The following SEC63 variants were observed in gnomAD, a reference collection of about 807,000 sequenced individuals.
The protein encoded by SEC63 is translocation protein SEC63 homolog.
A neutral mutation model predicts 116.2 loss-of-function variants in SEC63; 56 were observed. The ratio of observed to expected loss-of-function variants is 0.48; its 90% CI spans 0.39 to 0.60. The LOEUF (loss-of-function observed/expected upper bound fraction) is 0.60. Among genes scored for constraint, SEC63 ranks in the 20% least tolerant of loss-of-function variants. SEC63 has a pLI of 0.00. For missense variants in SEC63, 668 were observed against 900.0 expected, an observed-to-expected ratio of 0.74 and a Z score of 3.30; for synonymous variants, 273 against 294.6, an observed-to-expected ratio of 0.93 and a Z score of 0.75.
At chr6:107,919,413 CT>C (rs1787494372) in intron 4 of SEC63, among the ~76,000 whole-genome samples, 1 of 152,170 alleles carries the variant, frequency 6.6e-6, no homozygotes, top group South Asian at 2.1e-4. Context: ...AAGATGGTAT[CT>C]ATTCCTGATG....
intron 4 of SEC63, among the ~76,000 whole-genome samples, chr6:107,916,964 A>G (rs2099504538): frequency 6.6e-6 from 1 of 152,218 alleles, no homozygotes; most frequent in South Asian, 2.1e-4. Context: ...CTGGCCATAA[A>G]CTGGCCCCAA....
intron 1 of SEC63, among the ~76,000 whole-genome samples, chr6:107,955,115 A>G (rs191492374): frequency 3.3e-5 from 5 of 152,334 alleles, no homozygotes; most frequent in Non-Finnish European, 5.9e-5. Flanking sequence ...TTCTAATCCC[A>G]GTTCAACCAT....
At chr6:107,947,507 G>T (rs911535395) in intron 1 of SEC63, among the ~76,000 whole-genome samples, 5 of 151,628 alleles carry the variant, frequency 3.3e-5, no homozygotes, top group African/African-American at 1.2e-4. Context: ...AGGAGATTGA[G>T]GTTGCAGTGG....
intron 7 of SEC63, among the ~76,000 whole-genome samples, chr6:107,910,685 T>C (rs1787261111): frequency 6.6e-6 from 1 of 152,032 alleles, no homozygotes; most frequent in Non-Finnish European, 1.5e-5. Flanking sequence ...TGTACACATA[T>C]ACATATGTCA....
chr6:107,872,616 G>C (rs972699682), intron 20 of SEC63, among the ~76,000 whole-genome samples, 192 bp downstream of exon 20: 4 of 152,000 alleles, frequency 2.6e-5, no homozygotes, highest in South Asian at 4.1e-4. Context: ...GTTCTAAACT[G>C]TTACACTCCT....
intron 1 of SEC63, among the ~76,000 whole-genome samples, chr6:107,946,919 A>G (rs956718636): frequency 2.6e-5 from 4 of 152,112 alleles, no homozygotes; most frequent in Non-Finnish European, 5.9e-5. Context: ...CAGGAGAATC[A>G]CTTGAACCCA....
chr6:107,893,590 T>C lies in SEC63; in HGVS notation c.1566A>G (p.Lys522=). ...GTTTCTTTTTTTTTGATTTAGCAGT[T>C]TTCTTGGGTCCTTTACTCTTCTGTT... is the stretch of plus-strand genomic sequence containing the variant. ...GWQQKSKGPK[K]TAKSKKKKPL... The change falls in exon 16 of 21, where the codon AAA becomes AAG. Residue 522 remains lysine, a synonymous_variant. Coordinates refer to ENST00000369002, the MANE Select transcript of SEC63 (RefSeq NM_007214.5). 2 of 1,601,968 alleles carry C rather than the reference T, an allele frequency of 1.2e-6. No homozygotes were observed.
intron 7 of SEC63, among the ~76,000 whole-genome samples, chr6:107,909,358 C>T (rs1257897407): frequency 1.4e-5 from 2 of 142,846 alleles, no homozygotes; most frequent in East Asian, 4.1e-4. Context: ...TCCTAGGTGA[C>T]AGAGGGAGAC....
rs1415717030 is a variant in SEC63, at chr6:107,904,625, T to C, written c.1054+4A>G. ...TAACATAATTAACTATATTTCCTCC[T>C]CACCTTCACGGTTCCGGGCCATTAC... On this transcript the variant is annotated splice_donor_region_variant and intron_variant, in intron 11 of 20. Transcript: ENST00000369002. The C allele has an allele frequency of 1.3e-6, 2 of 1,597,200 alleles. No individual in the cohort carries two copies. Among genetic ancestry groups the C allele is most frequent in the South Asian group, 1.1e-5 (1 of 90,768 alleles).
rs1212876830 is a variant in SEC63, at chr6:107,911,387, C to T, written c.583G>A (p.Val195Ile). Residue 195 changes from valine (V) to isoleucine (I), a missense_variant, in exon 7 of 21, where the codon GTA (valine) becomes ATA (isoleucine). Physicochemically the swap from Val to Ile is conservative, Grantham distance 29. This residue lies in a region of SEC63 where 430 missense variants were observed against 557.5 expected (regional missense o/e 0.77). Coordinates refer to ENST00000369002, the MANE Select transcript of SEC63 (RefSeq NM_007214.5). ...DQKNSILVLLVYGLAFMVILP... is the reference protein window; with the variant it reads ...DQKNSILVLLIYGLAFMVILP... The stretch of plus-strand genomic sequence containing the variant: ...ATAACCATAAATGCCAATCCATATA[C>T]AAGTAAAACCTAAAATTGAAGAGAA... 6 of 1,603,516 alleles carry T rather than the reference C, an allele frequency of 3.7e-6. No homozygotes were observed. Among genetic ancestry groups the T allele is most frequent in the South Asian group, 1.1e-5 (1 of 90,888 alleles).
chr6:107,942,407 C>T (rs1204570862), intron 1 of SEC63, among the ~76,000 whole-genome samples: 1 of 152,150 alleles, frequency 6.6e-6, no homozygotes, highest in Non-Finnish European at 1.5e-5. Context: ...CTTTCCAGTT[C>T]CCTGGAATAG....
chr6:107,877,107 ATATG>A (rs1364781509), intron 18 of SEC63: 1 of 157,806 alleles, frequency 6.3e-6, no homozygotes, highest in Non-Finnish European at 1.4e-5. Context: ...ACATATACAT[ATATG>A]TGTGTGTGTA....
At chr6:107,894,971 A>G (rs1786779625) in intron 14 of SEC63, among the ~76,000 whole-genome samples, 1 of 152,188 alleles carries the variant, frequency 6.6e-6, no homozygotes, top group African/African-American at 2.4e-5. Flanking sequence ...CAAACACTGT[A>G]TGACTTATAA....
chr6:107,931,448 TCACCCCAAGCAC>T (rs1787804142), intron 1 of SEC63, among the ~76,000 whole-genome samples: 4 of 150,334 alleles, frequency 2.7e-5, no homozygotes, highest in Non-Finnish European at 5.9e-5. Flanking sequence ...TTTACTAAAT[TCACCCCAAGCAC>T]TTGGACTGAA....
At chr6:107,937,417 C>T (rs1333842942) in intron 1 of SEC63, among the ~76,000 whole-genome samples, 1 of 152,214 alleles carries the variant, frequency 6.6e-6, no homozygotes, top group African/African-American at 2.4e-5. Context: ...TGAGCCACCA[C>T]GCCCGGCCAC....
Position 107,901,502 on chromosome 6 carries a change from T to G in SEC63, c.1225A>C (p.Ile409Leu), listed in dbSNP as rs1787002890. The change falls in exon 13 of 21, where the codon ATC becomes CTC. Residue 409 changes from isoleucine (I) to leucine (L), a missense_variant. Physicochemically the swap from Ile to Leu is conservative, Grantham distance 5. Coordinates refer to ENST00000369002, the MANE Select transcript of SEC63 (RefSeq NM_007214.5). Reference protein sequence around the residue: ...SNHKKYKIKTIQDLVSLKESD... With the variant: ...SNHKKYKIKTLQDLVSLKESD... ...TCTTTTAAACTCACCAAATCCTGGA[T>G]AGTTTTAATTTTATACTGAATAAAA... The G allele has an allele frequency of 6.3e-7, 1 of 1,593,472 alleles. No homozygotes were observed. The highest frequency in any genetic ancestry group is 8.6e-7 in the Non-Finnish European group (1 of 1,162,254).
At position 107,921,905 on chromosome 6, in the gene SEC63, G is replaced by A. The variant is rs1431189229; in HGVS notation, c.344C>T (p.Ala115Val). The A allele has an allele frequency of 4.3e-6, 6 of 1,411,000 alleles. No individual in the cohort carries two copies. Among genetic ancestry groups the A allele is most frequent in the Non-Finnish European group, 5.7e-6 (6 of 1,049,062 alleles). The allele number at this position is 1,411,000 out of a possible 1,614,324, so 87.4% of individuals were successfully genotyped here. ...PYEVLNLDPG[A>V]TVAEIKKQYR... ...TTGTTTTTTAATTTCTGCTACTGTG[G>A]CTCCCTGGGGAAAAACAAAAAAAAA... Residue 115 changes from alanine (A) to valine (V), a missense_variant, in exon 4 of 21, where the codon GCC becomes GTC. By Grantham distance (64) the Ala-to-Val change is moderately conservative. Transcript: ENST00000369002.
At chr6:107,913,619 A>T (rs1344323806) in intron 4 of SEC63, among the ~76,000 whole-genome samples, 192 bp from the exon 5 acceptor site, 3 of 152,182 alleles carry the variant, frequency 2.0e-5, no homozygotes, top group Non-Finnish European at 2.9e-5. Context: ...AGAAAATGCT[A>T]ACTATTGCGT....
At chr6:107,957,255 A>T (rs953899371) in intron 1 of SEC63, 1 of 152,222 alleles carries the variant, frequency 6.6e-6, no homozygotes, top group African/African-American at 2.4e-5. Flanking sequence ...GGAAACTCCG[A>T]AGAAAAGGAA....
Sources: gnomAD v4.1 joint callset for allele counts (sites outside exome capture counted in the v4.1 genomes callset) on GRCh38, gnomAD v4.1.1 for gene constraint, gnomAD v4.1.1 regional missense constraint, MANE v1.5 for transcripts, NCBI Gene and HGNC (gene_info 2026-07-23, HGNC 2026-07-21) for gene names.